Variants in ELMO1 observed in about 807,000 individuals in gnomAD.
ELMO1 encodes the protein engulfment and cell motility 1.
A neutral mutation model predicts 98.9 loss-of-function variants in ELMO1; 26 were observed. The ratio of observed to expected loss-of-function variants is 0.26; its 90% CI spans 0.19 to 0.36. The LOEUF (loss-of-function observed/expected upper bound fraction) is 0.36, where lower values mean the gene tolerates loss of function less well. Among genes scored for constraint, ELMO1 ranks in the 10% least tolerant of loss-of-function variants. The probability of loss-of-function intolerance (pLI) is 1.00; values close to 1 mark genes in which losing one functional copy is unlikely to be tolerated. For synonymous variants in ELMO1, 346 were observed against 346.0 expected (o/e 1.00, Z 0.00); for missense variants, 627 against 935.2 (o/e 0.67, Z 4.30).
intron 1 of ELMO1, among the ~76,000 whole-genome samples, chr7:37,365,027 C>T (rs1001840029): frequency 7.9e-5 from 12 of 152,194 alleles, no homozygotes; most frequent in African/African-American, 2.9e-4. Context: ...GCTCCTCACC[C>T]CCACACGTTT....
rs36086006 is a variant in ELMO1 at position 37,426,142 on chromosome 7, C to CTTTTTTTTTTTTTTTTTTTT, written c.-74+22513_-74+22532dup. ...TCTCTCTCTCCCTCTTTTTTTCTTT[C>CTTTTTTTTTTTTTTTTTTTT]TTTTTTTTTTTTTTTTTTTTTTTTT... On this transcript the variant is annotated intron_variant, in intron 1 of 21. Transcript: ENST00000310758. Among the ~76,000 whole-genome samples, 16 of 84,576 alleles carry CTTTTTTTTTTTTTTTTTTTT rather than the reference C, an allele frequency of 1.9e-4. 1 individual carries two copies. Among genetic ancestry groups the CTTTTTTTTTTTTTTTTTTTT allele is most frequent in the South Asian group, 8.7e-4 (2 of 2,294 alleles). The allele number at this position is 84,576 out of a possible 152,430, so 55.5% of individuals were successfully genotyped here.
At chr7:37,424,619 G>T (rs1350000087) in intron 1 of ELMO1, among the ~76,000 whole-genome samples, 1 of 152,206 alleles carries the variant, frequency 6.6e-6, no homozygotes, top group Non-Finnish European at 1.5e-5. Context: ...AAATATGGTT[G>T]TGATCTGAAA....
At chr7:37,141,236 C>A (rs1214941040) in intron 13 of ELMO1, among the ~76,000 whole-genome samples, 1 of 152,188 alleles carries the variant, frequency 6.6e-6, no homozygotes, top group Non-Finnish European at 1.5e-5. Context: ...GCATTCACAG[C>A]AACCTGGAGG....
rs917063464 is a variant in ELMO1, at chr7:36,870,561, G to A, written c.1823-86C>T. 52 of 1,272,548 alleles carry A rather than the reference G, an allele frequency of 4.1e-5. No homozygotes were observed. The highest frequency in any genetic ancestry group is 5.6e-5 in the Non-Finnish European group (51 of 912,660). 78.8% of individuals were successfully genotyped at this position (1,272,548 alleles called of 1,614,324 possible). ...AGAAACAGGACTAAGCACTGGGTCC[G>A]CTACTGTGGTTACCATTCCCAGAAA... is the stretch of plus-strand genomic sequence containing the variant. On this transcript the variant is annotated intron_variant, in intron 19 of 21. Coordinates refer to ENST00000310758, the MANE Select transcript of ELMO1 (RefSeq NM_014800.11). This position sits in a 1 kb window ranked among gnomAD's most constrained non-coding sequence, Gnocchi z 4.4.
chr7:37,226,842 G>A (rs769011581), intron 8 of ELMO1, among the ~76,000 whole-genome samples: 4 of 152,130 alleles, frequency 2.6e-5, no homozygotes, highest in Admixed American at 6.5e-5. Flanking sequence ...CATGCATTGC[G>A]TGTGTACTAT....
chr7:36,875,456 A>C (rs1230413906), intron 19 of ELMO1, among the ~76,000 whole-genome samples: 1 of 152,230 alleles, frequency 6.6e-6, no homozygotes, highest in African/African-American at 2.4e-5. Context: ...GATCCACACA[A>C]GTATGCATTG....
intron 18 of ELMO1, among the ~76,000 whole-genome samples, chr7:36,883,569 C>A (rs1804666603): frequency 6.6e-6 from 1 of 152,080 alleles, no homozygotes; most frequent in Admixed American, 6.6e-5. Context: ...CTCTTGAGAT[C>A]TGGTTGTTTA....
At chr7:37,335,646 G>A (rs1562624002) in intron 2 of ELMO1, among the ~76,000 whole-genome samples, 2 of 152,194 alleles carry the variant, frequency 1.3e-5, no homozygotes, top group Non-Finnish European at 2.9e-5. Context: ...AGGTGCTGCA[G>A]CAGGAGTGAG....
chr7:37,343,488 T>C (rs113353125), intron 1 of ELMO1, among the ~76,000 whole-genome samples: 87 of 11,970 alleles, frequency 7.3e-3, no homozygotes, highest in African/African-American at 0.05. Flanking sequence ...AGCCCATTTC[T>C]TTTTTTTTTT....
At chr7:36,866,243 A>G (rs897029717) in intron 20 of ELMO1, among the ~76,000 whole-genome samples, 1 of 152,212 alleles carries the variant, frequency 6.6e-6, no homozygotes, top group Non-Finnish European at 1.5e-5. Context: ...CTTGCAAATC[A>G]AAACCTTCCA....
At chr7:37,191,133 G>A (rs2130153788) in intron 13 of ELMO1, among the ~76,000 whole-genome samples, 1 of 142,862 alleles carries the variant, frequency 7.0e-6, no homozygotes, top group East Asian at 2.1e-4. Flanking sequence ...AGCTTGCAGT[G>A]AGCCGAGACC....
At chr7:37,331,333 CT>C (rs776303689) in intron 2 of ELMO1, among the ~76,000 whole-genome samples, 8 of 28,736 alleles carry the variant, frequency 2.8e-4, no homozygotes, top group Non-Finnish European at 3.4e-4. Flanking sequence ...CCACGCCTGG[CT>C]TTTTTTTTTT....
At chr7:37,442,191 G>T (rs889657595) in intron 1 of ELMO1, among the ~76,000 whole-genome samples, 5 of 152,104 alleles carry the variant, frequency 3.3e-5, no homozygotes, top group African/African-American at 1.2e-4. Flanking sequence ...TACAACAAAG[G>T]ATTATCCAGC....
intron 4 of ELMO1, among the ~76,000 whole-genome samples, chr7:37,304,641 G>A (rs576117051): frequency 2.6e-5 from 4 of 152,240 alleles, no homozygotes; most frequent in South Asian, 4.1e-4. Context: ...GCTTGAACCC[G>A]GGAGGTGGAG....
intron 13 of ELMO1, among the ~76,000 whole-genome samples, chr7:37,154,929 C>A (rs1788630781): frequency 1.3e-5 from 2 of 152,186 alleles, no homozygotes; most frequent in South Asian, 4.1e-4. Flanking sequence ...TCAAGTTACC[C>A]ACAAAGGGAA....
intron 16 of ELMO1, among the ~76,000 whole-genome samples, chr7:36,981,121 G>A (rs908564509): frequency 6.7e-5 from 10 of 148,518 alleles, no homozygotes; most frequent in African/African-American, 2.5e-4. Flanking sequence ...TAGAGCTAAG[G>A]GAAAGTTTAA....
intron 11 of ELMO1, among the ~76,000 whole-genome samples, chr7:37,216,365 G>A (rs1044635638): frequency 6.6e-6 from 1 of 152,108 alleles, no homozygotes; most frequent in African/African-American, 2.4e-5. Flanking sequence ...CTGCCCCACT[G>A]AGAGAGCTAT....
At chr7:36,890,073 A>G (rs1805422746) in intron 17 of ELMO1, among the ~76,000 whole-genome samples, 3 of 152,324 alleles carry the variant, frequency 2.0e-5, no homozygotes, top group South Asian at 4.1e-4. Context: ...AAGCCAGGTA[A>G]TAACCCCATG....
At chr7:37,209,929 C>G (rs529777541) in intron 13 of ELMO1, among the ~76,000 whole-genome samples, 1 of 152,324 alleles carries the variant, frequency 6.6e-6, no homozygotes, top group South Asian at 2.1e-4. Context: ...AAAATAATTT[C>G]AGAATACCTC....
Sources: allele counts gnomAD v4.1 joint callset (sites outside exome capture counted in the v4.1 genomes callset), GRCh38; gene constraint gnomAD v4.1.1; non-coding constraint Gnocchi (gnomAD v3.1); transcripts MANE v1.5; gene names NCBI Gene and HGNC (gene_info 2026-07-23, HGNC 2026-07-21).